Variants in LARGE1 observed in about 807,000 individuals in gnomAD.
LARGE1 encodes the protein xylosyl- and glucuronyltransferase LARGE1.
LARGE1 carries 43 observed loss-of-function variants against 87.6 expected under a neutral mutation model. The ratio of observed to expected loss-of-function variants is 0.49; its 90% CI spans 0.38 to 0.63. The LOEUF (loss-of-function observed/expected upper bound fraction) is 0.63. Among genes scored for constraint, LARGE1 ranks in the 30% least tolerant of loss-of-function variants. The pLI is 0.00. For missense variants in LARGE1, 802 were observed against 1,000.2 expected (o/e 0.80, Z 2.67); for synonymous variants, 434 against 394.6 (o/e 1.10, Z -1.18).
intron 11 of LARGE1, among the ~76,000 whole-genome samples, chr22:33,309,492 G>T (rs991205351): frequency 2.6e-5 from 4 of 152,110 alleles, no homozygotes; most frequent in African/African-American, 9.7e-5. Context: ...GAGGCCCAGG[G>T]AGCTAGCTGG....
intron 2 of LARGE1, among the ~76,000 whole-genome samples, chr22:33,713,573 CT>C (rs1023872728): frequency 2.7e-5 from 4 of 148,992 alleles, no homozygotes; most frequent in East Asian, 2.0e-4. Context: ...GTTGTAGGCT[CT>C]TTTTTTTTTC....
intron 6 of LARGE1, among the ~76,000 whole-genome samples, chr22:33,515,924 CA>C (rs2071282134): frequency 6.6e-6 from 1 of 152,182 alleles, no homozygotes; most frequent in Admixed American, 6.5e-5. Context: ...GTATTCCACA[CA>C]CACAGCACCA....
the LARGE1 span, among the ~76,000 whole-genome samples, chr22:33,132,487 T>C: frequency 9.0e-3 from 1,298 of 144,830 alleles, 20 homozygotes; most frequent in African/African-American, 0.029. Context: ...CTGGCCTCCA[T>C]AACTATTTAA....
intron 13 of LARGE1, among the ~76,000 whole-genome samples, chr22:33,281,498 T>C (rs556262244): frequency 5.1e-4 from 78 of 152,206 alleles, no homozygotes; most frequent in Non-Finnish European, 9.3e-4. Context: ...TTACTGGCTG[T>C]GTGTCATTGG....
intron 2 of LARGE1, among the ~76,000 whole-genome samples, chr22:33,737,261 C>T (rs2083687399): frequency 6.6e-6 from 1 of 152,216 alleles, no homozygotes; most frequent in Non-Finnish European, 1.5e-5. Flanking sequence ...CCCTTCCCCA[C>T]ATGGGCTTTT....
chr22:33,791,071 C>CTGTT (rs1384557277), intron 1 of LARGE1, among the ~76,000 whole-genome samples: 1 of 152,090 alleles, frequency 6.6e-6, no homozygotes, highest in Non-Finnish European at 1.5e-5. Context: ...TGTTTTATAA[C>CTGTT]TTGTACTAGT....
chr22:33,902,018 G>A (rs1435652460), intron 1 of LARGE1, among the ~76,000 whole-genome samples: 2 of 152,210 alleles, frequency 1.3e-5, no homozygotes, highest in Non-Finnish European at 2.9e-5. Flanking sequence ...ACAGTAATTA[G>A]TGCAAGAGCG....
the LARGE1 span, among the ~76,000 whole-genome samples, chr22:33,142,115 T>C: frequency 6.6e-6 from 1 of 152,228 alleles, no homozygotes; most frequent in Non-Finnish European, 1.5e-5. Flanking sequence ...AGGTTAGTGG[T>C]CAGCCAATGA....
At chr22:33,239,855 T>C (rs556465845) in intron 11 of LARGE1, among the ~76,000 whole-genome samples, 5 of 152,276 alleles carry the variant, frequency 3.3e-5, no homozygotes, top group African/African-American at 1.2e-4. Flanking sequence ...TACTATTATA[T>C]GCTTTGCATT....
At chr22:33,196,606 G>C (rs1053336123) in intron 11 of LARGE1, among the ~76,000 whole-genome samples, 1 of 148,640 alleles carries the variant, frequency 6.7e-6, no homozygotes, top group Admixed American at 6.6e-5. Flanking sequence ...AAAATTTTTC[G>C]CAAAATAGGG....
rs201332248 is a variant in LARGE1 at position 33,565,598 on chromosome 22, G to A, written c.616-579C>T. On this transcript the variant is annotated intron_variant, in intron 5 of 14. Transcript: ENST00000397394. ...AGTCATCACGCGACACTCTTCACCTGACAGCAATAGAGGACACACACATAG... is the reference window on the plus strand; with the variant it reads ...AGTCATCACGCGACACTCTTCACCTAACAGCAATAGAGGACACACACATAG... 4.0e-5 allele frequency among the ~76,000 whole-genome samples: 6 copies of A among 149,378 alleles called. No individual in the cohort carries two copies. The East Asian group carries it at 1.2e-3, about 30-fold the overall frequency.
intron 1 of LARGE1, among the ~76,000 whole-genome samples, chr22:33,902,567 A>G (rs1231281350): frequency 6.6e-6 from 1 of 152,096 alleles, no homozygotes; most frequent in Non-Finnish European, 1.5e-5. Context: ...TCTTCTCTCT[A>G]CTCCTATTAA....
At chr22:33,300,809 G>C (rs1357230887) in intron 12 of LARGE1, among the ~76,000 whole-genome samples, 1 of 152,082 alleles carries the variant, frequency 6.6e-6, no homozygotes, top group Non-Finnish European at 1.5e-5. Flanking sequence ...CAAAGTGCTG[G>C]GATTACACGC....
chr22:33,843,985 A>G (rs2063355199), intron 1 of LARGE1, among the ~76,000 whole-genome samples: 1 of 151,722 alleles, frequency 6.6e-6, no homozygotes, highest in Admixed American at 6.6e-5. Context: ...AGGCTGAGGC[A>G]GGAGAATCGC....
intron 10 of LARGE1, among the ~76,000 whole-genome samples, chr22:33,319,093 C>A (rs960674684): frequency 1.3e-5 from 2 of 152,152 alleles, no homozygotes; most frequent in Admixed American, 1.3e-4. Context: ...CTCTCTCCCC[C>A]ACTCCCCGCC....
intron 9 of LARGE1, among the ~76,000 whole-genome samples, chr22:33,356,666 AG>A (rs1374918022): frequency 6.6e-6 from 1 of 152,164 alleles, no homozygotes; most frequent in South Asian, 2.1e-4. Flanking sequence ...GCTACTTGGG[AG>A]GCTGAGGCAG....
At chr22:33,548,183 G>C (rs919258402) in intron 6 of LARGE1, among the ~76,000 whole-genome samples, 2 of 152,162 alleles carry the variant, frequency 1.3e-5, no homozygotes, top group African/African-American at 4.8e-5. Context: ...TGGTATTCTG[G>C]TGATAGAGTT....
At chr22:33,853,601 T>C (rs1240206520) in intron 1 of LARGE1, among the ~76,000 whole-genome samples, 1 of 152,184 alleles carries the variant, frequency 6.6e-6, no homozygotes, top group Admixed American at 6.5e-5. Flanking sequence ...GTGGCCTACA[T>C]AACCCTTAAT....
intron 5 of LARGE1, among the ~76,000 whole-genome samples, chr22:33,570,535 C>G (rs2078164180): frequency 6.6e-6 from 1 of 151,256 alleles, no homozygotes. Context: ...GCAGTCCCAG[C>G]TACTCGGGAG....
Sources: allele counts gnomAD v4.1 joint callset (sites outside exome capture counted in the v4.1 genomes callset), GRCh38; gene constraint gnomAD v4.1.1; transcripts MANE v1.5; gene names NCBI Gene and HGNC (gene_info 2026-07-23, HGNC 2026-07-21).